The following ADGRL2 variants were observed in gnomAD, a reference collection of about 807,000 sequenced individuals.
The protein encoded by ADGRL2 is adhesion G protein-coupled receptor L2.
Under a neutral mutation model 157.4 loss-of-function variants are expected in ADGRL2, and 44 were observed. That is an observed-to-expected ratio of 0.28 (90% confidence interval 0.22 to 0.36). The LOEUF (loss-of-function observed/expected upper bound fraction) is 0.36. Among genes scored for constraint, ADGRL2 ranks in the 10% least tolerant of loss-of-function variants. The pLI, the probability that ADGRL2 is intolerant of heterozygous loss-of-function variation, is 1.00. For synonymous variants in ADGRL2, 585 were observed against 624.7 expected (o/e 0.94, Z 0.95); for missense variants, 1,510 against 1,768.9 (o/e 0.85, Z 2.63).
At chr1:81,986,780 T>C (rs756122875) in intron 21 of ADGRL2, 121 bp from the exon 22 acceptor site, 58 of 921,720 alleles carry the variant, frequency 6.3e-5, no homozygotes, top group Non-Finnish European at 8.9e-5. Flanking sequence ...GATTTTCCAT[T>C]GCCAACTTGT....
In ADGRL2 at chr1:81,902,104, G is replaced by A. The variant is rs77554141; in HGVS notation, c.74-4913G>A. 9.3e-3 allele frequency among the ~76,000 whole-genome samples: 1,416 copies of A among 152,242 alleles called. 22 individuals carry two copies. The highest frequency in any genetic ancestry group is 0.033 in the African/African-American group (1,354 of 41,532). ...CCCAAAGGGTAGAGTTAGGATTCCA[G>A]GTAATAGGTAGATTCAAAGATTTCC... On this transcript the variant is annotated intron_variant, in intron 2 of 23. Transcript: ENST00000686636.
chr1:81,355,115 C>T lies in ADGRL2; in HGVS notation c.-302+48606C>T, dbSNP rs75499699. Among the ~76,000 whole-genome samples, 1,887 of 152,208 alleles carry T rather than the reference C, an allele frequency of 0.012. 97 individuals carry two copies. In the East Asian group the frequency reaches 0.17, roughly 14 times the overall value. ...CCAATGTTCATAGCTTTATGTCTTACGCATTTCAAGTTATATTTGGTTGAA... is the reference window on the plus strand; with the variant it reads ...CCAATGTTCATAGCTTTATGTCTTATGCATTTCAAGTTATATTTGGTTGAA... On this transcript the variant is annotated intron_variant, in intron 1 of 24. Coordinates refer to the ADGRL2 transcript ENST00000370721.
At chr1:81,556,803 C>T (rs1203259696) in intron 2 of ADGRL2, among the ~76,000 whole-genome samples, 3 of 151,922 alleles carry the variant, frequency 2.0e-5, no homozygotes, top group East Asian at 3.9e-4. Context: ...GTAGGCCAGG[C>T]GCGGTGGTTC....
intron 2 of ADGRL2, among the ~76,000 whole-genome samples, chr1:81,459,778 A>ATG (rs993551647): frequency 1.7e-4 from 12 of 71,730 alleles, no homozygotes; most frequent in East Asian, 7.9e-4. Context: ...TAGTGTGTGT[A>ATG]TGTGTGTGTG....
intron 3 of ADGRL2, among the ~76,000 whole-genome samples, chr1:81,907,753 A>C (rs1263499358): frequency 6.6e-6 from 1 of 152,164 alleles, no homozygotes; most frequent in Non-Finnish European, 1.5e-5. Context: ...ACAGCAGTAC[A>C]TTTGTTAACA....
chr1:81,866,797 A>G (rs2093555231), intron 2 of ADGRL2, among the ~76,000 whole-genome samples: 1 of 152,162 alleles, frequency 6.6e-6, no homozygotes, highest in African/African-American at 2.4e-5. Context: ...TTAATGATTC[A>G]GTTATTAACT....
At chr1:81,986,113 C>T (rs1663068110) in intron 21 of ADGRL2, among the ~76,000 whole-genome samples, 1 of 151,950 alleles carries the variant, frequency 6.6e-6, no homozygotes, top group Non-Finnish European at 1.5e-5. Context: ...ATATTTTTAT[C>T]CAAATTACAT....
At chr1:81,823,548 A>C (rs1414625666) in intron 1 of ADGRL2, among the ~76,000 whole-genome samples, 1 of 152,130 alleles carries the variant, frequency 6.6e-6, no homozygotes, top group Non-Finnish European at 1.5e-5. Flanking sequence ...GATAGACATG[A>C]AAGCCATCTT....
intron 3 of ADGRL2, among the ~76,000 whole-genome samples, chr1:81,670,372 G>T (rs1355069393): frequency 1.3e-5 from 2 of 152,146 alleles, no homozygotes; most frequent in Non-Finnish European, 2.9e-5. Context: ...ACTGTATTCT[G>T]CTCTCAATCT....
At chr1:81,813,181 C>A (rs2090046470) in intron 1 of ADGRL2, among the ~76,000 whole-genome samples, 2 of 151,254 alleles carry the variant, frequency 1.3e-5, no homozygotes, top group Non-Finnish European at 3.0e-5. Context: ...TTTCATTTTT[C>A]CATTTTGGTA....
intron 1 of ADGRL2, among the ~76,000 whole-genome samples, chr1:81,410,595 G>A (rs148248567): frequency 5.0e-4 from 76 of 152,270 alleles, no homozygotes; most frequent in Middle Eastern, 6.8e-3. Flanking sequence ...ACTCCTTCAG[G>A]CAGACTGACA....
intron 2 of ADGRL2, among the ~76,000 whole-genome samples, chr1:81,561,984 A>C (rs1483543799): frequency 3.3e-5 from 5 of 152,190 alleles, no homozygotes; most frequent in African/African-American, 1.2e-4. Context: ...ATTTATATAA[A>C]AACACTCCTG....
At chr1:81,553,002 T>A (rs1276560342) in intron 2 of ADGRL2, among the ~76,000 whole-genome samples, 1 of 152,190 alleles carries the variant, frequency 6.6e-6, no homozygotes, top group Non-Finnish European at 1.5e-5. Context: ...GGTATTAAGA[T>A]GAACAGGGCA....
intron 2 of ADGRL2, among the ~76,000 whole-genome samples, chr1:81,566,233 C>A (rs1337089153): frequency 6.6e-6 from 1 of 152,012 alleles, no homozygotes; most frequent in African/African-American, 2.4e-5. Flanking sequence ...GTATTGGTTG[C>A]CATTAGGTTG....
At chr1:81,581,888 A>ATG (rs1557480726) in intron 3 of ADGRL2, among the ~76,000 whole-genome samples, 1 of 151,414 alleles carries the variant, frequency 6.6e-6, no homozygotes, top group African/African-American at 2.4e-5. Context: ...ACACACACAC[A>ATG]CACACACACA....
intron 2 of ADGRL2, among the ~76,000 whole-genome samples, chr1:81,518,264 C>T (rs1283751917): frequency 6.6e-6 from 1 of 152,232 alleles, no homozygotes; most frequent in African/African-American, 2.4e-5. Flanking sequence ...CACAGTGTGT[C>T]CTGGGAGTAG....
intron 2 of ADGRL2, among the ~76,000 whole-genome samples, chr1:81,447,760 T>G (rs1213065942): frequency 6.6e-6 from 1 of 152,180 alleles, no homozygotes; most frequent in African/African-American, 2.4e-5. Flanking sequence ...CTTACATGTA[T>G]GCGTATGCCT....
intron 2 of ADGRL2, among the ~76,000 whole-genome samples, chr1:81,519,844 G>A (rs1034715637): frequency 6.6e-6 from 1 of 152,040 alleles, no homozygotes; most frequent in African/African-American, 2.4e-5. Context: ...AAAGTACCCA[G>A]CCCCAGAAGA....
chr1:81,985,407 GT>G lies in ADGRL2; in HGVS notation c.3508+54del, dbSNP rs751965000. On this transcript the variant is annotated intron_variant, in intron 21 of 23. Transcript: ENST00000686636. ...CTACCATTTATTAAAGTACATATAA[GT>G]TCCTTTTATTCAATAATGTAATGTA... 16 of 968,056 alleles carry G rather than the reference GT, an allele frequency of 1.7e-5. No homozygotes were observed. The African/African-American group carries it at 2.5e-4, about 15-fold the overall frequency. 60.0% of individuals were successfully genotyped at this position (968,056 alleles called of 1,614,324 possible). A position where few individuals can be genotyped will look rare whatever the true frequency, so the allele number is the denominator to read the frequency against.
Sources: gnomAD v4.1 joint callset for allele counts (sites outside exome capture counted in the v4.1 genomes callset) on GRCh38, gnomAD v4.1.1 for gene constraint, MANE v1.5 for transcripts, NCBI Gene and HGNC (gene_info 2026-07-23, HGNC 2026-07-21) for gene names.